LANCL2: variants seen among roughly 807,000 people sequenced by gnomAD.
The protein encoded by LANCL2 is LanC like glutathione S-transferase 2.
A neutral mutation model predicts 56.9 loss-of-function variants in LANCL2; 33 were observed. The ratio of observed to expected loss-of-function variants is 0.58; its 90% CI spans 0.44 to 0.78. The LOEUF is 0.78. Ranked by LOEUF, LANCL2 falls within the 30% of genes least tolerant of loss-of-function variation. LANCL2 has a pLI of 0.00. For synonymous variants in LANCL2, 233 were observed against 228.2 expected (o/e 1.02, Z -0.19); for missense variants, 562 against 580.2 (o/e 0.97, Z 0.32).
intron 3 of LANCL2, among the ~76,000 whole-genome samples, chr7:55,399,504 C>T (rs1790296493): frequency 6.6e-6 from 1 of 152,090 alleles, no homozygotes; most frequent in African/African-American, 2.4e-5. Context: ...CCACCACACC[C>T]AGCTAGTTTT....
At chr7:55,427,547 G>A (rs779303950) in intron 7 of LANCL2, among the ~76,000 whole-genome samples, 2 of 152,164 alleles carry the variant, frequency 1.3e-5, no homozygotes, top group African/African-American at 4.8e-5. Context: ...AGAATTTAAC[G>A]CATGTTTTTA....
intron 2 of LANCL2, among the ~76,000 whole-genome samples, chr7:55,395,905 C>G (rs1790246595): frequency 6.6e-6 from 1 of 152,202 alleles, no homozygotes; most frequent in Non-Finnish European, 1.5e-5. Flanking sequence ...GGTGCTCACA[C>G]ACACCTAGAT....
chr7:55,416,289 A>C (rs2177688), intron 6 of LANCL2, among the ~76,000 whole-genome samples: 61,370 of 151,504 alleles, frequency 0.41, 13,002 homozygotes, highest in Admixed American at 0.57. Flanking sequence ...TCTTCTTCTT[A>C]TTATTATTAT....
At chr7:55,389,531 G>A (rs1307325726) in intron 1 of LANCL2, among the ~76,000 whole-genome samples, 1 of 152,168 alleles carries the variant, frequency 6.6e-6, no homozygotes, top group Admixed American at 6.5e-5. Flanking sequence ...TAGCTCTTAG[G>A]GCGAGCAGGT....
chr7:55,430,231 G>A (rs1244328900), intron 8 of LANCL2, among the ~76,000 whole-genome samples: 2 of 152,214 alleles, frequency 1.3e-5, no homozygotes, highest in Non-Finnish European at 2.9e-5. Flanking sequence ...AGAAGGCTGG[G>A]AACACCCCAG....
intron 1 of LANCL2, among the ~76,000 whole-genome samples, chr7:55,369,342 A>G (rs1366421920): frequency 1.3e-5 from 2 of 152,188 alleles, no homozygotes; most frequent in African/African-American, 4.8e-5. Flanking sequence ...TTTTATTACT[A>G]AGTATTCTTT....
chr7:55,404,240 T>G (rs905509215), intron 5 of LANCL2, among the ~76,000 whole-genome samples: 10 of 152,040 alleles, frequency 6.6e-5, no homozygotes, highest in African/African-American at 1.2e-4. Context: ...TGCCACCGCC[T>G]CCTCCTCCTT....
chr7:55,395,441 G>T (rs1790239632), intron 2 of LANCL2, among the ~76,000 whole-genome samples: 1 of 151,998 alleles, frequency 6.6e-6, no homozygotes, highest in Non-Finnish European at 1.5e-5. Flanking sequence ...ACTAAGAAAA[G>T]AAATTTAAAG....
chr7:55,430,756 T>A (rs897711517), intron 8 of LANCL2, among the ~76,000 whole-genome samples: 1 of 152,200 alleles, frequency 6.6e-6, no homozygotes, highest in African/African-American at 2.4e-5. Flanking sequence ...TAAGCTGCTG[T>A]GAGTCTAGTT....
At chr7:55,396,048 T>C (rs1041293567) in intron 2 of LANCL2, among the ~76,000 whole-genome samples, 29 of 152,306 alleles carry the variant, frequency 1.9e-4, no homozygotes, top group African/African-American at 6.7e-4. Flanking sequence ...AACATAGATA[T>C]AGAAAAGGTA....
At chr7:55,385,909 C>T (rs570323514) in intron 1 of LANCL2, among the ~76,000 whole-genome samples, 2 of 152,104 alleles carry the variant, frequency 1.3e-5, no homozygotes, top group African/African-American at 4.8e-5. Context: ...CAGAGACCTA[C>T]CCCTAGGTGC....
Position 55,365,391 on chromosome 7 carries a change from TAGAAG to T in LANCL2, c.-631_-627del, listed in dbSNP as rs1463089748. ...TAGACTGTTTTGAAATTCTGTTCTT[TAGAAG>T]AGATTTTTTTTTTCTTCTTAATATC... On this transcript the variant is annotated 5_prime_UTR_variant, in exon 1 of 9. Coordinates refer to ENST00000254770, the MANE Select transcript of LANCL2 (RefSeq NM_018697.4). 2 of 152,354 alleles carry T rather than the reference TAGAAG, an allele frequency of 1.3e-5. No individual in the cohort carries two copies. The highest frequency in any genetic ancestry group is 3.4e-3 in the Middle Eastern group (1 of 294). The allele number at this position is 152,354 out of a possible 1,614,324, so 9.4% of individuals were successfully genotyped here. A position where few individuals can be genotyped will look rare whatever the true frequency, so the allele number is the denominator to read the frequency against.
chr7:55,375,693 G>T (rs1323583120), intron 1 of LANCL2, among the ~76,000 whole-genome samples: 2 of 152,170 alleles, frequency 1.3e-5, no homozygotes, highest in Non-Finnish European at 2.9e-5. Context: ...GGCTCTGCTG[G>T]CTCCTCTGCT....
intron 1 of LANCL2, among the ~76,000 whole-genome samples, chr7:55,387,202 T>A (rs1253720910): frequency 6.6e-6 from 1 of 152,176 alleles, no homozygotes; most frequent in African/African-American, 2.4e-5. Context: ...GTTAGGAGGT[T>A]ATGAGTATAG....
At chr7:55,379,727 C>A (rs1182297740) in intron 1 of LANCL2, 1 of 152,630 alleles carries the variant, frequency 6.6e-6, no homozygotes, top group East Asian at 1.9e-4. Context: ...GATGGAGAAC[C>A]AGACAGTTAC....
intron 6 of LANCL2, among the ~76,000 whole-genome samples, chr7:55,415,444 G>A (rs552051687): frequency 1.3e-5 from 2 of 152,112 alleles, no homozygotes; most frequent in African/African-American, 4.8e-5. Context: ...TTCTGTTCCC[G>A]AAGCTTGTTT....
At chr7:55,418,781 C>T (rs1053236333) in intron 6 of LANCL2, among the ~76,000 whole-genome samples, 1 of 152,062 alleles carries the variant, frequency 6.6e-6, no homozygotes, top group African/African-American at 2.4e-5. Context: ...TCTTAGATGG[C>T]TTTTATCAGA....
At chr7:55,396,159 G>T (rs1258656694) in intron 2 of LANCL2, among the ~76,000 whole-genome samples, 1 of 152,148 alleles carries the variant, frequency 6.6e-6, no homozygotes, top group Non-Finnish European at 1.5e-5. Flanking sequence ...GCTCAGTGTG[G>T]GCAAGCCAGA....
chr7:55,417,423 TATTCAG>T (rs1790556646), intron 6 of LANCL2, among the ~76,000 whole-genome samples: 1 of 152,208 alleles, frequency 6.6e-6, no homozygotes, highest in Non-Finnish European at 1.5e-5. Flanking sequence ...TTCTGGACTC[TATTCAG>T]TTACTTTGGC....
Sources: allele counts gnomAD v4.1 joint callset (sites outside exome capture counted in the v4.1 genomes callset), GRCh38; gene constraint gnomAD v4.1.1; transcripts MANE v1.5; gene names NCBI Gene and HGNC (gene_info 2026-07-23, HGNC 2026-07-21).